CNTNAP2: variants seen among roughly 807,000 people sequenced by gnomAD.
The protein encoded by CNTNAP2 is contactin associated protein 2.
CNTNAP2 carries 98 observed loss-of-function variants against 155.2 expected under a neutral mutation model. The observed-to-expected ratio is 0.63, with a 90% CI of 0.54 to 0.75. CNTNAP2 has a LOEUF of 0.75. Among genes scored for constraint, CNTNAP2 ranks in the 30% least tolerant of loss-of-function variants. The pLI is 0.00. For missense variants in CNTNAP2, 1,727 were observed against 1,688.1 expected, an observed-to-expected ratio of 1.02 and a Z score of -0.40; for synonymous variants, 651 against 631.2, an observed-to-expected ratio of 1.03 and a Z score of -0.47.
At chr7:146,977,398 A>G (rs1048614190) in intron 3 of CNTNAP2, among the ~76,000 whole-genome samples, 11 of 152,212 alleles carry the variant, frequency 7.2e-5, no homozygotes, top group Non-Finnish European at 1.2e-4. Flanking sequence ...GAATACAAAC[A>G]GTTATTCCAG....
At chr7:148,275,853 G>A (rs114536573) in intron 21 of CNTNAP2, among the ~76,000 whole-genome samples, 4,287 of 152,284 alleles carry the variant, frequency 0.028, 137 homozygotes, top group African/African-American at 0.075. Flanking sequence ...CAAGAGAGAG[G>A]AAGCAGACCC....
At chr7:146,694,178 A>G (rs996558940) in intron 1 of CNTNAP2, among the ~76,000 whole-genome samples, 1 of 152,346 alleles carries the variant, frequency 6.6e-6, no homozygotes, top group Non-Finnish European at 1.5e-5. Flanking sequence ...ATTAAAACTC[A>G]GCATCTAGAG....
At chr7:146,712,730 G>A (rs902361660) in intron 1 of CNTNAP2, among the ~76,000 whole-genome samples, 2 of 151,416 alleles carry the variant, frequency 1.3e-5, no homozygotes, top group African/African-American at 4.9e-5. Context: ...GCTGAATTTG[G>A]TTATACACAA....
intron 14 of CNTNAP2, among the ~76,000 whole-genome samples, chr7:147,975,653 A>T (rs1801416028): frequency 6.6e-6 from 1 of 152,172 alleles, no homozygotes; most frequent in Non-Finnish European, 1.5e-5. Context: ...AAATTTAAAA[A>T]TTTATTATTA....
chr7:148,114,487 C>T lies in CNTNAP2; in HGVS notation c.2384-3631C>T, dbSNP rs114173751. Among the ~76,000 whole-genome samples the T allele has an allele frequency of 9.0e-3, 1,374 of 152,200 alleles. 25 individuals carry two copies. The highest frequency in any genetic ancestry group is 0.032 in the African/African-American group (1,310 of 41,520). On this transcript the variant is annotated intron_variant, in intron 15 of 23. Coordinates refer to ENST00000361727, the MANE Select transcript of CNTNAP2 (RefSeq NM_014141.6). ...TTACTGAGAGGAAATGTTTTCATGCCGGCTTTCATGGAGTCTATGATCAGT... is the reference window on the plus strand; with the variant it reads ...TTACTGAGAGGAAATGTTTTCATGCTGGCTTTCATGGAGTCTATGATCAGT...
intron 15 of CNTNAP2, among the ~76,000 whole-genome samples, chr7:148,080,599 C>T (rs1267388265): frequency 9.9e-5 from 12 of 121,260 alleles, no homozygotes; most frequent in Non-Finnish European, 1.7e-4. Flanking sequence ...AGCAAGACTC[C>T]ATCTCAAAAA....
chr7:147,330,190 C>T (rs1363529364), intron 9 of CNTNAP2, among the ~76,000 whole-genome samples: 3 of 152,076 alleles, frequency 2.0e-5, no homozygotes, highest in Admixed American at 6.6e-5. Flanking sequence ...AGATTAGGCT[C>T]TATGAAAATT....
At chr7:146,724,381 G>A (rs1267966438) in intron 1 of CNTNAP2, among the ~76,000 whole-genome samples, 1 of 151,726 alleles carries the variant, frequency 6.6e-6, no homozygotes, top group Non-Finnish European at 1.5e-5. Context: ...TTTTGAATGA[G>A]GATACAAGAG....
At chr7:147,133,067 C>G (rs947582729) in intron 8 of CNTNAP2, among the ~76,000 whole-genome samples, 8 of 151,966 alleles carry the variant, frequency 5.3e-5, no homozygotes, top group African/African-American at 1.2e-4. Context: ...CTGGCTTAGG[C>G]AAAAATAGGA....
intron 8 of CNTNAP2, among the ~76,000 whole-genome samples, chr7:147,236,368 T>C (rs1477747761): frequency 6.6e-6 from 1 of 152,178 alleles, no homozygotes; most frequent in East Asian, 1.9e-4. Context: ...CCTATTCTGC[T>C]GTGTGTCACC....
chr7:146,885,227 T>C (rs1247509833), intron 3 of CNTNAP2, among the ~76,000 whole-genome samples: 1 of 152,212 alleles, frequency 6.6e-6, no homozygotes, highest in Non-Finnish European at 1.5e-5. Context: ...CGTCTTTGGA[T>C]ATTTACATTG....
chr7:148,106,549 C>T (rs1018214451), intron 15 of CNTNAP2, among the ~76,000 whole-genome samples: 6 of 136,714 alleles, frequency 4.4e-5, no homozygotes, highest in Non-Finnish European at 7.5e-5. Flanking sequence ...TAAATAGAGA[C>T]GAGGTCTCAC....
intron 4 of CNTNAP2, among the ~76,000 whole-genome samples, chr7:147,068,964 G>A (rs369449308): frequency 1.1e-4 from 16 of 152,316 alleles, no homozygotes; most frequent in African/African-American, 3.6e-4. Flanking sequence ...AAGTGCTGGC[G>A]TCTTCTGGTG....
intron 20 of CNTNAP2, among the ~76,000 whole-genome samples, chr7:148,244,232 T>A (rs1251584401): frequency 6.6e-6 from 1 of 152,212 alleles, no homozygotes; most frequent in Non-Finnish European, 1.5e-5. Context: ...CATCACAGAG[T>A]TGGGGCTTTG....
At chr7:147,750,758 G>A (rs1016570215) in intron 13 of CNTNAP2, among the ~76,000 whole-genome samples, 3 of 152,148 alleles carry the variant, frequency 2.0e-5, no homozygotes, top group African/African-American at 7.2e-5. Flanking sequence ...CCAGGCTTTG[G>A]CTGGGTGCGG....
chr7:147,378,314 G>A (rs201992873), intron 9 of CNTNAP2, among the ~76,000 whole-genome samples: 1 of 151,604 alleles, frequency 6.6e-6, no homozygotes, highest in African/African-American at 2.4e-5. Context: ...TATATAATAG[G>A]TCTATATATT....
intron 11 of CNTNAP2, among the ~76,000 whole-genome samples, chr7:147,538,513 G>A (rs2116738823): frequency 6.6e-6 from 1 of 152,086 alleles, no homozygotes; most frequent in East Asian, 1.9e-4. Context: ...TAGCCCATGA[G>A]GTGGCACGCA....
intron 10 of CNTNAP2, among the ~76,000 whole-genome samples, chr7:147,421,338 T>C (rs1215546196): frequency 6.6e-6 from 1 of 152,116 alleles, no homozygotes; most frequent in Non-Finnish European, 1.5e-5. Flanking sequence ...TATAATTTGA[T>C]AGAAAAATAT....
In CNTNAP2 at chr7:146,146,996, C is replaced by G. The variant is rs746520225; in HGVS notation, c.97+30023C>G. On this transcript the variant is annotated intron_variant, in intron 1 of 23. Coordinates refer to ENST00000361727, the MANE Select transcript of CNTNAP2 (RefSeq NM_014141.6). ...GGCTTCAAGTACTTTAGTTTTTTTC[C>G]TAAACAATAACTGTCTTTAAAAGAA... Among the ~76,000 whole-genome samples the G allele has an allele frequency of 1.4e-4, 21 of 152,192 alleles. 1 individual carries two copies. Among genetic ancestry groups the G allele is most frequent in the South Asian group, 1.2e-3 (6 of 4,826 alleles).
Sources: allele counts gnomAD v4.1 joint callset (sites outside exome capture counted in the v4.1 genomes callset), GRCh38; gene constraint gnomAD v4.1.1; transcripts MANE v1.5; gene names NCBI Gene and HGNC (gene_info 2026-07-23, HGNC 2026-07-21).